Variants in SKAP1 observed in about 807,000 individuals in gnomAD.
The protein encoded by SKAP1 is src kinase associated phosphoprotein 1, also known as src kinase-associated phosphoprotein 1.
SKAP1 carries 44 observed loss-of-function variants against 58.5 expected under a neutral mutation model. The observed-to-expected ratio is 0.75, with a 90% CI of 0.59 to 0.97. The LOEUF is 0.97. Ranked by LOEUF, SKAP1 falls within the 50% of genes least tolerant of loss-of-function variation. The pLI is 0.00. For synonymous variants in SKAP1, 127 were observed against 149.7 expected (o/e 0.85, Z 1.11); for missense variants, 390 against 435.2 (o/e 0.90, Z 0.92).
At chr17:48,148,587 C>T (rs1288556612) in intron 11 of SKAP1, among the ~76,000 whole-genome samples, 2 of 152,204 alleles carry the variant, frequency 1.3e-5, no homozygotes, top group East Asian at 1.9e-4. Flanking sequence ...TTAATCTGCT[C>T]GGCCCATCTG....
At chr17:48,161,909 A>C (rs942342199) in intron 11 of SKAP1, among the ~76,000 whole-genome samples, 2 of 152,076 alleles carry the variant, frequency 1.3e-5, no homozygotes, top group Non-Finnish European at 2.9e-5. Context: ...TTTGATTGGC[A>C]TGGTTTTGGT....
At chr17:48,140,452 C>T (rs547410902) in intron 11 of SKAP1, among the ~76,000 whole-genome samples, 2 of 152,132 alleles carry the variant, frequency 1.3e-5, no homozygotes, top group Non-Finnish European at 2.9e-5. Flanking sequence ...TCTCTTCTGT[C>T]TTGATGCGCT....
At chr17:48,283,157 C>G (rs2065788744) in intron 4 of SKAP1, among the ~76,000 whole-genome samples, 1 of 152,144 alleles carries the variant, frequency 6.6e-6, no homozygotes, top group African/African-American at 2.4e-5. Context: ...GAGACTCCTG[C>G]TGTGAGTCAA....
At chr17:48,333,920 C>T (rs1036589317) in intron 4 of SKAP1, among the ~76,000 whole-genome samples, 1 of 151,730 alleles carries the variant, frequency 6.6e-6, no homozygotes, top group Non-Finnish European at 1.5e-5. Context: ...CTGATGTTTC[C>T]TAGGAAAATT....
intron 11 of SKAP1, among the ~76,000 whole-genome samples, chr17:48,142,243 C>T (rs958612358): frequency 6.6e-6 from 1 of 152,162 alleles, no homozygotes; most frequent in Non-Finnish European, 1.5e-5. Flanking sequence ...GGGTGGATCA[C>T]CTGAGGTCAG....
the SKAP1 span, among the ~76,000 whole-genome samples, chr17:48,439,769 G>A: frequency 3.9e-5 from 6 of 152,214 alleles, no homozygotes; most frequent in Non-Finnish European, 8.8e-5. Flanking sequence ...ACTATGACAT[G>A]TGCTCATGAG....
At position 48,288,816 on chromosome 17, in the gene SKAP1, C is replaced by A. The variant is rs955107894; in HGVS notation, c.280+57089G>T. Among the ~76,000 whole-genome samples, 21 of 152,022 alleles carry A rather than the reference C, an allele frequency of 1.4e-4. 1 individual carries two copies. ...GCAAGAGAAATGCTGGGAAATAGCA[C>A]AAAACAGTGATTTTGAGAAAATACA... is the stretch of plus-strand genomic sequence containing the variant. On this transcript the variant is annotated intron_variant, in intron 4 of 12. Transcript: ENST00000336915.
At chr17:48,412,492 G>A (rs1255099697) in intron 1 of SKAP1, among the ~76,000 whole-genome samples, 1 of 152,180 alleles carries the variant, frequency 6.6e-6, no homozygotes, top group Non-Finnish European at 1.5e-5. Context: ...TCACTCAGTA[G>A]TAGTGCGATC....
chr17:48,372,645 G>A (rs915728532), intron 2 of SKAP1, among the ~76,000 whole-genome samples: 1 of 151,924 alleles, frequency 6.6e-6, no homozygotes. Flanking sequence ...ACCCTAGGAG[G>A]TCAGTATTTT....
intron 4 of SKAP1, among the ~76,000 whole-genome samples, chr17:48,215,060 AC>A (rs2064922674): frequency 6.6e-6 from 1 of 152,080 alleles, no homozygotes; most frequent in South Asian, 2.1e-4. Flanking sequence ...TGCTGGGATT[AC>A]AGGTGTGAGT....
intron 3 of SKAP1, among the ~76,000 whole-genome samples, chr17:48,353,915 A>G (rs982852678): frequency 1.3e-5 from 2 of 148,956 alleles, no homozygotes; most frequent in African/African-American, 2.5e-5. Flanking sequence ...AAAAAAAAGA[A>G]AAGAAAAGAA....
At chr17:48,415,183 G>C (rs1030233176) in intron 1 of SKAP1, among the ~76,000 whole-genome samples, 2 of 152,094 alleles carry the variant, frequency 1.3e-5, no homozygotes, top group African/African-American at 4.8e-5. Context: ...TGTTCCTAGA[G>C]GGGAAATTTC....
chr17:48,160,836 G>T (rs1364446999), intron 11 of SKAP1, among the ~76,000 whole-genome samples: 2 of 152,228 alleles, frequency 1.3e-5, no homozygotes, highest in African/African-American at 2.4e-5. Flanking sequence ...TGTAATGCCA[G>T]TGTGGTAATG....
chr17:48,175,161 T>G (rs1424611089), intron 9 of SKAP1, among the ~76,000 whole-genome samples: 1 of 152,216 alleles, frequency 6.6e-6, no homozygotes, highest in Non-Finnish European at 1.5e-5. Flanking sequence ...AGTGCTGCTC[T>G]GACACTCCTC....
Position 48,323,856 on chromosome 17 carries a change from G to A in SKAP1, c.280+22049C>T, listed in dbSNP as rs560740475. Reference sequence around the variant, plus strand: ...GCTACTGTTCCTAACACTGCTCCAGGGACAGATCAGGGAGTCTTCCCAGGT... The same window carrying A: ...GCTACTGTTCCTAACACTGCTCCAGAGACAGATCAGGGAGTCTTCCCAGGT... On this transcript the variant is annotated intron_variant, in intron 4 of 12. Coordinates refer to ENST00000336915, the MANE Select transcript of SKAP1 (RefSeq NM_003726.4). Among the ~76,000 whole-genome samples, 3 of 152,102 alleles carry A rather than the reference G, an allele frequency of 2.0e-5. No homozygotes were observed. The East Asian group carries it at 5.8e-4, about 29-fold the overall frequency.
At chr17:48,227,380 A>G (rs2065081827) in intron 4 of SKAP1, among the ~76,000 whole-genome samples, 1 of 152,170 alleles carries the variant, frequency 6.6e-6, no homozygotes. Context: ...ACATGAGTTC[A>G]TGGCTCCTTC....
rs1386368931 is a variant in SKAP1, at chr17:48,224,085, GGAA to G, written c.281-34588_281-34586del. ...AGGAGGAGAAGGAGGAGGAGGAGGAGGAAGAGGAGGAGGAGGAGGAGGAGGAGG... is the reference window on the plus strand; with the variant it reads ...AGGAGGAGAAGGAGGAGGAGGAGGAGGAGGAGGAGGAGGAGGAGGAGGAGG... On this transcript the variant is annotated intron_variant, in intron 4 of 12. Coordinates refer to ENST00000336915, the MANE Select transcript of SKAP1 (RefSeq NM_003726.4). Among the ~76,000 whole-genome samples the G allele has an allele frequency of 6.0e-3, 549 of 92,172 alleles. 81 individuals are homozygous for G. Among genetic ancestry groups the G allele is most frequent in the African/African-American group, 7.7e-3 (159 of 20,730 alleles). 60.5% of individuals were successfully genotyped at this position (92,172 alleles called of 152,430 possible). A position where few individuals can be genotyped will look rare whatever the true frequency, so the allele number is the denominator to read the frequency against.
intron 4 of SKAP1, among the ~76,000 whole-genome samples, chr17:48,250,076 A>G (rs551564113): frequency 2.0e-5 from 3 of 151,012 alleles, no homozygotes; most frequent in East Asian, 4.0e-4. Context: ...TCATTCCTCA[A>G]TTTCTTTCCC....
chr17:48,287,175 A>T (rs2065841833), intron 4 of SKAP1, among the ~76,000 whole-genome samples: 1 of 152,014 alleles, frequency 6.6e-6, no homozygotes, highest in Non-Finnish European at 1.5e-5. Flanking sequence ...TCTTTATCAA[A>T]GTTATTTGGC....
Sources: gnomAD v4.1 joint callset for allele counts (sites outside exome capture counted in the v4.1 genomes callset) on GRCh38, gnomAD v4.1.1 for gene constraint, MANE v1.5 for transcripts, NCBI Gene and HGNC (gene_info 2026-07-23, HGNC 2026-07-21) for gene names.